SPOCD1: variants seen among roughly 807,000 people sequenced by gnomAD.
SPOCD1 encodes SPOC domain-containing protein 1.
SPOCD1 carries 64 observed loss-of-function variants against 92.2 expected under a neutral mutation model. The observed-to-expected ratio is 0.69, with a 90% CI of 0.57 to 0.86. The LOEUF (loss-of-function observed/expected upper bound fraction) is 0.86, where lower values mean the gene tolerates loss of function less well. Ranked by LOEUF, SPOCD1 falls within the 40% of genes least tolerant of loss-of-function variation. SPOCD1 has a pLI of 0.00. For synonymous variants in SPOCD1, 578 were observed against 619.3 expected (o/e 0.93, Z 0.99); for missense variants, 1,360 against 1,543.1 (o/e 0.88, Z 1.99).
Position 31,815,262 on chromosome 1 carries a change from C to T in SPOCD1, c.72G>A (p.Glu24=). The change falls in exon 2 of 16, where the codon GAG becomes GAA. Residue 24 remains glutamate (E), a synonymous_variant. Transcript: ENST00000360482. ...DPVLSPQHNC[E]LLQNMEGASS... ...TGGCTCCTTCCATGTTCTGTAAAAG[C>T]TCACAGTTGTGTTGGGGACTGAGCA... 1 of 1,600,450 alleles carries T rather than the reference C, an allele frequency of 6.2e-7. No homozygotes were observed. Among genetic ancestry groups the T allele is most frequent in the South Asian group, 1.1e-5 (1 of 90,760 alleles).
rs372311437 is a variant in SPOCD1, at chr1:31,814,032, T to C, written c.1302A>G (p.Gln434=). 1.9e-5 allele frequency: 31 copies of C among 1,611,716 alleles called. No individual in the cohort carries two copies. The Middle Eastern group carries it at 4.9e-4, about 26-fold the overall frequency. Residue 434 remains glutamine (Q), a synonymous_variant, in exon 2 of 16, where the codon CAA becomes CAG. Transcript: ENST00000360482. The surrounding 1 kb of genome is among the most constrained non-coding windows in gnomAD (Gnocchi z 4.2). ...CTGAGCTTCTGTCTGTGCCCCGGTCTTGGGCACAGGGCACTGGACCTTTCT... is the reference window on the plus strand; with the variant it reads ...CTGAGCTTCTGTCTGTGCCCCGGTCCTGGGCACAGGGCACTGGACCTTTCT... ...NLKKGPVPCA[Q]DRGTDRSSDN...
Position 31,793,416 on chromosome 1 carries a change from A to T in SPOCD1, c.2547T>A (p.Ser849=). Residue 849 remains serine, a synonymous_variant, in exon 13 of 16, where the codon TCT becomes TCA. Coordinates refer to ENST00000360482, the MANE Select transcript of SPOCD1 (RefSeq NM_144569.7). Reference sequence around the variant, plus strand: ...TGGGTGCAGCAGGCACATGGAGCCCAGATGGAGGGACCCTAGAGGGAGGGA... The same window carrying T: ...TGGGTGCAGCAGGCACATGGAGCCCTGATGGAGGGACCCTAGAGGGAGGGA... ...PTEPQDRVPP[S]GLHVPAAPTK... 1 of 1,590,632 alleles carries T rather than the reference A, an allele frequency of 6.3e-7. No individual in the cohort carries two copies. The highest frequency in any genetic ancestry group is 8.6e-7 in the Non-Finnish European group (1 of 1,168,512).
At chr1:31,812,500 A>G (rs1649269905) in intron 2 of SPOCD1, among the ~76,000 whole-genome samples, 1 of 152,228 alleles carries the variant, frequency 6.6e-6, no homozygotes, top group Admixed American at 6.5e-5. Context: ...CTGGAACAAT[A>G]AGGCATAATA....
Position 31,798,827 on chromosome 1 carries a change from C to T in SPOCD1, c.1869-226G>A, listed in dbSNP as rs1648219844. The T allele has an allele frequency of 1.7e-6, 1 of 601,382 alleles. No homozygotes were observed. Among genetic ancestry groups the T allele is most frequent in the South Asian group, 2.0e-5 (1 of 49,908 alleles). 37.3% of individuals were successfully genotyped at this position (601,382 alleles called of 1,614,324 possible). On this transcript the variant is annotated intron_variant, in intron 7 of 15. Coordinates refer to ENST00000360482, the MANE Select transcript of SPOCD1 (RefSeq NM_144569.7). This position sits in a 1 kb window ranked among gnomAD's most constrained non-coding sequence, Gnocchi z 4.1. ...ACTGGGGCTCAGGGAAAATAAGAGG[C>T]TTACTCACAACTGTGTAATTAGTGG...
At chr1:31,804,497 T>C (rs770726623) in intron 2 of SPOCD1, among the ~76,000 whole-genome samples, 13 of 152,316 alleles carry the variant, frequency 8.5e-5, no homozygotes, top group Non-Finnish European at 1.8e-4. Context: ...AATAATATTT[T>C]CAATGTGCTT....
chr1:31,810,137 T>C (rs1309310987), intron 2 of SPOCD1, among the ~76,000 whole-genome samples: 4 of 152,140 alleles, frequency 2.6e-5, no homozygotes, highest in Non-Finnish European at 5.9e-5. Flanking sequence ...TTCAATTCTC[T>C]GGTTAGTGGT....
rs1172886943 is a variant in SPOCD1 at position 31,790,896 on chromosome 1, ACTGGCGCAAGC to A, written c.3347_3357del (p.Gly1116ValfsTer65). 5 of 1,583,884 alleles carry A rather than the reference ACTGGCGCAAGC, an allele frequency of 3.2e-6. No homozygotes were observed. The highest frequency in any genetic ancestry group is 3.4e-6 in the Non-Finnish European group (4 of 1,165,442). On this transcript the variant is annotated frameshift_variant, in exon 16 of 16. Transcript: ENST00000360482. LOFTEE classifies it low-confidence loss of function (END_TRUNC). ...GGTGCTACTGAATAGGGATGCTGGG[ACTGGCGCAAGC>A]CTGGCTCTGGGGGCCACTGCCCTCG...
chr1:31,802,299 G>A (rs1648522857), intron 2 of SPOCD1, among the ~76,000 whole-genome samples: 1 of 152,156 alleles, frequency 6.6e-6, no homozygotes. Context: ...GAAGTAGCTG[G>A]CCCCACAGAA....
At chr1:31,796,803 C>G in intron 9 of SPOCD1, 88 bp from the exon 10 acceptor site, 2 of 1,579,612 alleles carry the variant, frequency 1.3e-6, no homozygotes, top group Non-Finnish European at 1.7e-6. Flanking sequence ...CCCTTGAGGC[C>G]CCTCTCTTGT....
Position 31,791,178 on chromosome 1 carries a change from A to T in SPOCD1, c.3076T>A (p.Ser1026Thr). 6.2e-7 allele frequency: 1 copy of T among 1,612,436 alleles called. No homozygotes were observed. Among genetic ancestry groups the T allele is most frequent in the South Asian group, 1.1e-5 (1 of 90,852 alleles). Residue 1026 changes from serine to threonine, a missense_variant, in exon 16 of 16, where the codon TCC becomes ACC. This residue lies in a region of SPOCD1 where 614 missense variants were observed against 757.8 expected (regional missense o/e 0.81). Coordinates refer to ENST00000360482, the MANE Select transcript of SPOCD1 (RefSeq NM_144569.7). Reference sequence around the variant, plus strand: ...TGAACCTTCCCCAACCAGGGGCTGGACCCTGCTGTGTCTGGAAGCCCTTCC... The same window carrying T: ...TGAACCTTCCCCAACCAGGGGCTGGTCCCTGCTGTGTCTGGAAGCCCTTCC... ...PKEGLPDTAGSSPWLGKVQKM... is the reference protein window; with the variant it reads ...PKEGLPDTAGTSPWLGKVQKM...
intron 2 of SPOCD1, among the ~76,000 whole-genome samples, chr1:31,808,938 G>A (rs1207788997): frequency 6.6e-6 from 1 of 152,224 alleles, no homozygotes; most frequent in African/African-American, 2.4e-5. Context: ...GCTCATGCCT[G>A]CAATCCCAGC....
At chr1:31,809,417 T>C (rs1365322383) in intron 2 of SPOCD1, among the ~76,000 whole-genome samples, 1 of 152,116 alleles carries the variant, frequency 6.6e-6, no homozygotes, top group Non-Finnish European at 1.5e-5. Flanking sequence ...AAGTTGAAGA[T>C]GTGTCCACTC....
chr1:31,814,967 G>C lies in SPOCD1; in HGVS notation c.367C>G (p.Leu123Val), dbSNP rs1190818817. 6.2e-7 allele frequency: 1 copy of C among 1,613,972 alleles called. No homozygotes were observed. Among genetic ancestry groups the C allele is most frequent in the Non-Finnish European group, 8.5e-7 (1 of 1,180,026 alleles). Residue 123 changes from leucine (L) to valine (V), a missense_variant, in exon 2 of 16, where the codon CTG (leucine) becomes GTG (valine). Leu to Val is a conservative substitution (Grantham distance 32). Transcript: ENST00000360482. The surrounding 1 kb of genome is among the most constrained non-coding windows in gnomAD (Gnocchi z 4.2). Reference sequence around the variant, plus strand: ...CAACTGTCATCTAAGATGTCACACAGAGAAACCTGGAGCCTCTTGGAGGTC... The same window carrying C: ...CAACTGTCATCTAAGATGTCACACACAGAAACCTGGAGCCTCTTGGAGGTC... ...ALTSKRLQVS[L>V]CDILDDSCPR... is the part of the protein sequence containing the mutation.
Position 31,800,146 on chromosome 1 carries a change from G to A in SPOCD1, c.1603-5C>T. 1.3e-6 allele frequency: 2 copies of A among 1,595,854 alleles called. No individual in the cohort carries two copies. The highest frequency in any genetic ancestry group is 1.7e-6 in the Non-Finnish European group (2 of 1,172,212). On this transcript the variant is annotated splice_region_variant and splice_polypyrimidine_tract_variant and intron_variant, in intron 4 of 15. Transcript: ENST00000360482. Reference sequence around the variant, plus strand: ...TGAAGGAGAAGGCTGGAAAACCTTGGGGCAGGGAGCAGACAAGCTATTGGC... The same window carrying A: ...TGAAGGAGAAGGCTGGAAAACCTTGAGGCAGGGAGCAGACAAGCTATTGGC...
At chr1:31,796,349 C>T in intron 10 of SPOCD1, 1 of 611,054 alleles carries the variant, frequency 1.6e-6, no homozygotes, top group East Asian at 2.9e-5. Flanking sequence ...ATGTGGGGGC[C>T]TTGGGGTGAG....
rs764236418 is a variant in SPOCD1, at chr1:31,798,653, C to A, written c.1869-52G>T. 6.3e-7 allele frequency: 1 copy of A among 1,579,410 alleles called. No homozygotes were observed. The highest frequency in any genetic ancestry group is 1.1e-5 in the South Asian group (1 of 87,716). ...CACTGAGCCCAGGAGGCTCTCCAGG[C>A]ACTTAGTCCCAGAGGGAGGCAGCTG... On this transcript the variant is annotated intron_variant, in intron 7 of 15. Transcript: ENST00000360482. The surrounding 1 kb of genome is among the most constrained non-coding windows in gnomAD (Gnocchi z 4.1).
rs1570214503 is a variant in SPOCD1 at position 31,814,360 on chromosome 1, C to T, written c.974G>A (p.Ser325Asn). ...LSSAAQAPPQSAALCLGASAQ... is the reference protein window; with the variant it reads ...LSSAAQAPPQNAALCLGASAQ... ...TGACGCCCCCAGGCACAGTGCTGCG[C>T]TCTGTGGAGGAGCCTGTGCAGCTGA... The change falls in exon 2 of 16, where the codon AGC (serine) becomes AAC (asparagine). Residue 325 changes from serine to asparagine, a missense_variant. Coordinates refer to ENST00000360482, the MANE Select transcript of SPOCD1 (RefSeq NM_144569.7). The surrounding 1 kb of genome is among the most constrained non-coding windows in gnomAD (Gnocchi z 4.2). 1.2e-6 allele frequency: 2 copies of T among 1,602,564 alleles called. No individual in the cohort carries two copies. Among genetic ancestry groups the T allele is most frequent in the African/African-American group, 1.3e-5 (1 of 74,874 alleles).
At chr1:31,802,455 C>T (rs1380224620) in intron 2 of SPOCD1, among the ~76,000 whole-genome samples, 1 of 152,150 alleles carries the variant, frequency 6.6e-6, no homozygotes, top group African/African-American at 2.4e-5. Flanking sequence ...GTATTAGAAC[C>T]TAGCTCTGTC....
chr1:31,807,063 C>G (rs147930097), intron 2 of SPOCD1, among the ~76,000 whole-genome samples: 2 of 151,176 alleles, frequency 1.3e-5, no homozygotes, highest in Non-Finnish European at 2.9e-5. Context: ...GCAATAAAGA[C>G]AAAAGCAACA....
Sources: allele counts gnomAD v4.1 joint callset (sites outside exome capture counted in the v4.1 genomes callset), GRCh38; gene constraint gnomAD v4.1.1; regional missense constraint gnomAD v4.1.1; non-coding constraint Gnocchi (gnomAD v3.1); transcripts MANE v1.5; gene names NCBI Gene and HGNC (gene_info 2026-07-23, HGNC 2026-07-21).